The following DCDC1 variants were observed in gnomAD, a reference collection of about 807,000 sequenced individuals.
The protein encoded by DCDC1 is doublecortin domain containing 1.
In DCDC1, 200 loss-of-function variants were observed where a neutral mutation model predicts 178.3. The ratio of observed to expected loss-of-function variants is 1.12; its 90% CI spans 1.00 to 1.26. The LOEUF (loss-of-function observed/expected upper bound fraction) is 1.26, where lower values mean the gene tolerates loss of function less well. Among genes scored for constraint, DCDC1 ranks in the 50% most tolerant of loss-of-function variants. DCDC1 has a pLI of 0.00. For synonymous variants in DCDC1, 690 were observed against 604.8 expected, an observed-to-expected ratio of 1.14 and a Z score of -2.07; for missense variants, 1,983 against 1,749.2, an observed-to-expected ratio of 1.13 and a Z score of -2.38.
chr11:31,338,882 CT>C (rs1010714743), intron 1 of DCDC1, among the ~76,000 whole-genome samples: 2 of 152,054 alleles, frequency 1.3e-5, no homozygotes, highest in Non-Finnish European at 2.9e-5. Context: ...AGAAATAAGC[CT>C]TTTTTTCTTA....
chr11:31,205,914 T>G (rs1971810389), intron 9 of DCDC1, among the ~76,000 whole-genome samples: 1 of 152,138 alleles, frequency 6.6e-6, no homozygotes. Flanking sequence ...GCAACCCTAC[T>G]TCTATCTCAA....
At chr11:31,354,593 G>A (rs1044987820) in intron 1 of DCDC1, among the ~76,000 whole-genome samples, 3 of 152,194 alleles carry the variant, frequency 2.0e-5, no homozygotes, top group Non-Finnish European at 1.5e-5. Context: ...GATGAACTTA[G>A]TAGCTTTCTA....
intron 20 of DCDC1, among the ~76,000 whole-genome samples, chr11:30,999,393 C>T (rs1951447776): frequency 6.6e-6 from 1 of 152,110 alleles, no homozygotes; most frequent in Non-Finnish European, 1.5e-5. Flanking sequence ...ACTACCTTTA[C>T]AATTCTTCTG....
At chr11:31,179,373 C>G (rs1421316388) in intron 9 of DCDC1, among the ~76,000 whole-genome samples, 4 of 152,158 alleles carry the variant, frequency 2.6e-5, no homozygotes, top group African/African-American at 9.7e-5. Context: ...ACAATCTGTA[C>G]TCCCGTTTAT....
intron 20 of DCDC1, among the ~76,000 whole-genome samples, chr11:30,997,836 C>T (rs557030425): frequency 1.0e-3 from 159 of 151,846 alleles, no homozygotes; most frequent in Non-Finnish European, 1.9e-3. Flanking sequence ...TGTGTGTGTA[C>T]ACACACTAGC....
intron 1 of DCDC1, among the ~76,000 whole-genome samples, chr11:31,345,394 T>TG (rs1950762117): frequency 6.6e-6 from 1 of 152,188 alleles, no homozygotes; most frequent in Non-Finnish European, 1.5e-5. Context: ...TGTGACACCT[T>TG]GTCATGCTTA....
chr11:30,947,882 T>C (rs568011987), intron 21 of DCDC1, among the ~76,000 whole-genome samples: 2 of 151,714 alleles, frequency 1.3e-5, no homozygotes, highest in African/African-American at 4.8e-5. Flanking sequence ...AAAAATCAAA[T>C]AACCTAACAA....
At chr11:30,898,959 A>G (rs573075246) in intron 34 of DCDC1, among the ~76,000 whole-genome samples, 17 of 152,250 alleles carry the variant, frequency 1.1e-4, no homozygotes, top group African/African-American at 3.9e-4. Flanking sequence ...TAGGGTCAGA[A>G]ACCTAAGATT....
chr11:31,262,782 G>T (rs1411249942), intron 8 of DCDC1: 1 of 321,332 alleles, frequency 3.1e-6, no homozygotes. Context: ...AAAGAAAAAA[G>T]AAGTTCAAAA....
chr11:31,070,055 C>T (rs1478624459), intron 18 of DCDC1, among the ~76,000 whole-genome samples: 1 of 152,198 alleles, frequency 6.6e-6, no homozygotes, highest in Non-Finnish European at 1.5e-5. Flanking sequence ...TCCCATCATG[C>T]ATTTGGAGAC....
chr11:31,116,721 T>C (rs1039121955), intron 11 of DCDC1, among the ~76,000 whole-genome samples: 15 of 152,096 alleles, frequency 9.9e-5, no homozygotes, highest in Non-Finnish European at 2.2e-4. Context: ...TAAGAAAAAG[T>C]GTTTTAATGC....
At chr11:31,192,407 T>C (rs1970232599) in intron 9 of DCDC1, among the ~76,000 whole-genome samples, 2 of 152,244 alleles carry the variant, frequency 1.3e-5, no homozygotes, top group South Asian at 4.1e-4. Flanking sequence ...TTCATTGAAC[T>C]GTATGATTCA....
At chr11:31,034,356 T>G (rs1953878305) in intron 20 of DCDC1, among the ~76,000 whole-genome samples, 1 of 152,224 alleles carries the variant, frequency 6.6e-6, no homozygotes, top group East Asian at 1.9e-4. Flanking sequence ...ATATTTTTTA[T>G]GAATTTACTG....
chr11:31,112,277 A>G (rs908664658), intron 11 of DCDC1, among the ~76,000 whole-genome samples: 2 of 152,200 alleles, frequency 1.3e-5, no homozygotes, highest in African/African-American at 4.8e-5. Context: ...TGCAATATAT[A>G]TACCAAAATA....
chr11:31,310,669 G>C (rs540407169), intron 3 of DCDC1, among the ~76,000 whole-genome samples: 118 of 151,972 alleles, frequency 7.8e-4, no homozygotes, highest in Non-Finnish European at 1.6e-3. Context: ...GTGTTTCATA[G>C]CTTGTTAGGT....
intron 21 of DCDC1, among the ~76,000 whole-genome samples, chr11:30,945,098 A>G (rs1947927902): frequency 6.8e-6 from 1 of 147,606 alleles, no homozygotes. Flanking sequence ...CCTCCTGAGT[A>G]GCTGGGACTA....
chr11:31,303,322 T>C (rs936493135), intron 6 of DCDC1, among the ~76,000 whole-genome samples: 3 of 152,192 alleles, frequency 2.0e-5, no homozygotes, highest in Non-Finnish European at 4.4e-5. Context: ...CTTATGCTCA[T>C]TTAGAAAGAT....
chr11:30,912,823 A>T (rs919762903), intron 27 of DCDC1, among the ~76,000 whole-genome samples: 1 of 152,212 alleles, frequency 6.6e-6, no homozygotes. Flanking sequence ...TGTAATGTAC[A>T]TGGGTATATA....
At chr11:31,267,189 A>G (rs1044333768) in intron 7 of DCDC1, among the ~76,000 whole-genome samples, 4 of 143,458 alleles carry the variant, frequency 2.8e-5, no homozygotes, top group Non-Finnish European at 4.6e-5. Context: ...ATAATGTTAT[A>G]GGAATTTTTT....
Sources: gnomAD v4.1 joint callset for allele counts (sites outside exome capture counted in the v4.1 genomes callset) on GRCh38, gnomAD v4.1.1 for gene constraint, MANE v1.5 for transcripts, NCBI Gene and HGNC (gene_info 2026-07-23, HGNC 2026-07-21) for gene names.